ATP6V1C1: variants seen among roughly 807,000 people sequenced by gnomAD.
ATP6V1C1 encodes V-type proton ATPase subunit C 1.
In ATP6V1C1, 45 loss-of-function variants were observed where a neutral mutation model predicts 53.9. That is an observed-to-expected ratio of 0.83 (90% CI 0.66 to 1.07). The LOEUF is 1.07. Ranked by LOEUF, ATP6V1C1 falls within the 50% of genes least tolerant of loss-of-function variation. The probability of loss-of-function intolerance (pLI) is 0.00; values close to 1 mark genes in which losing one functional copy is unlikely to be tolerated. For synonymous variants in ATP6V1C1, 153 were observed against 155.2 expected, an observed-to-expected ratio of 0.99 and a Z score of 0.11; for missense variants, 315 against 440.3, an observed-to-expected ratio of 0.72 and a Z score of 2.55.
Position 103,067,598 on chromosome 8 carries a change from C to CTTT in ATP6V1C1, c.1054-1037_1054-1035dup, listed in dbSNP as rs764474136. ...GACTTGCTACACTTTTTTTCTTTTT[C>CTTT]TTTTTTTTTTTTTTTTTTTCGAGAT... On this transcript the variant is annotated intron_variant, in intron 12 of 12. Coordinates refer to ENST00000518738, the MANE Select transcript of ATP6V1C1 (RefSeq NM_001695.5). Among the ~76,000 whole-genome samples, 6 of 114,978 alleles carry CTTT rather than the reference C, an allele frequency of 5.2e-5. 1 individual carries two copies. Among genetic ancestry groups the CTTT allele is most frequent in the African/African-American group, 2.0e-4 (6 of 30,762 alleles). 75.4% of individuals were successfully genotyped at this position (114,978 alleles called of 152,430 possible).
In ATP6V1C1 at chr8:103,070,095, C is replaced by T. The variant is rs1259494101; in HGVS notation, c.*1348C>T. On this transcript the variant is annotated 3_prime_UTR_variant, in exon 13 of 13. Transcript: ENST00000518738. The stretch of plus-strand genomic sequence containing the variant: ...GGATTATACCACACACATCCTGTCA[C>T]TTGCTTTTTTGCTTAAGAGTATATC... The T allele has an allele frequency of 6.6e-6, 1 of 152,184 alleles. No homozygotes were observed. The highest frequency in any genetic ancestry group is 2.4e-5 in the African/African-American group (1 of 41,450). 9.4% of individuals were successfully genotyped at this position (152,184 alleles called of 1,614,324 possible). A position where few individuals can be genotyped will look rare whatever the true frequency, so the allele number is the denominator to read the frequency against.
At chr8:103,026,765 A>T (rs1205110925) in intron 1 of ATP6V1C1, among the ~76,000 whole-genome samples, 2 of 152,344 alleles carry the variant, frequency 1.3e-5, no homozygotes, top group African/African-American at 4.8e-5. Flanking sequence ...GTGAGCCGAG[A>T]TCGCGCCAGT....
chr8:103,053,407 T>G (rs916824838), intron 6 of ATP6V1C1, among the ~76,000 whole-genome samples: 4 of 151,914 alleles, frequency 2.6e-5, no homozygotes, highest in Admixed American at 6.6e-5. Flanking sequence ...ATATTTATTA[T>G]GGGAAAGTGA....
At chr8:103,041,869 C>G (rs1389095533) in intron 2 of ATP6V1C1, among the ~76,000 whole-genome samples, 1 of 152,102 alleles carries the variant, frequency 6.6e-6, no homozygotes, top group Non-Finnish European at 1.5e-5. Context: ...GAGACTCCGT[C>G]TCAAAAATAT....
chr8:103,065,501 C>A (rs1586329508), intron 11 of ATP6V1C1, among the ~76,000 whole-genome samples: 1 of 151,994 alleles, frequency 6.6e-6, no homozygotes, highest in African/African-American at 2.4e-5. Flanking sequence ...TGCAGTGAGC[C>A]GAGATTGTGC....
At chr8:103,037,054 G>A (rs1039490044) in intron 1 of ATP6V1C1, among the ~76,000 whole-genome samples, 3 of 140,114 alleles carry the variant, frequency 2.1e-5, no homozygotes, top group African/African-American at 7.4e-5. Context: ...GTTCGAGACA[G>A]TTTGTGCTAA....
intron 8 of ATP6V1C1, 118 bp downstream of exon 8, chr8:103,056,054 G>C: frequency 1.1e-6 from 1 of 910,100 alleles, no homozygotes; most frequent in Non-Finnish European, 1.7e-6. Context: ...TCATGAGTGA[G>C]TTCTATGAAC....
chr8:103,064,235 C>T (rs984416517), intron 10 of ATP6V1C1, among the ~76,000 whole-genome samples: 1 of 152,124 alleles, frequency 6.6e-6, no homozygotes, highest in Admixed American at 6.5e-5. Flanking sequence ...AGACCAACTC[C>T]CTTTTTTACA....
intron 1 of ATP6V1C1, among the ~76,000 whole-genome samples, chr8:103,039,935 G>A (rs72669334): frequency 0.081 from 12,339 of 151,828 alleles, 676 homozygotes; most frequent in Non-Finnish European, 0.11. Context: ...ATGTTCGATG[G>A]CAACTAAGTC....
intron 8 of ATP6V1C1, among the ~76,000 whole-genome samples, chr8:103,061,543 A>G (rs1039810874): frequency 4.6e-5 from 7 of 152,178 alleles, no homozygotes; most frequent in Non-Finnish European, 8.8e-5. Flanking sequence ...AAAACTGAAC[A>G]TTAAAAAACA....
intron 1 of ATP6V1C1, among the ~76,000 whole-genome samples, chr8:103,027,461 A>G (rs1816718770): frequency 6.6e-6 from 1 of 152,208 alleles, no homozygotes; most frequent in Non-Finnish European, 1.5e-5. Flanking sequence ...AAGCAGTGCC[A>G]GCAGATGTCT....
chr8:103,043,624 C>A (rs1485002961), intron 3 of ATP6V1C1, among the ~76,000 whole-genome samples: 3 of 152,104 alleles, frequency 2.0e-5, no homozygotes, highest in African/African-American at 7.2e-5. Context: ...AGCCACCGCG[C>A]CCGGCTGATA....
chr8:103,048,943 T>G lies in ATP6V1C1; in HGVS notation c.274T>G (p.Leu92Val). ...DSKDKVQENL[L>V]ANGVDLVTYI... Reference sequence around the variant, plus strand: ...CAAAGACAAAGTTCAAGAGAATCTGTTGGCTAATGGAGGTAAGCTAATGCT... The same window carrying G: ...CAAAGACAAAGTTCAAGAGAATCTGGTGGCTAATGGAGGTAAGCTAATGCT... The change falls in exon 4 of 13, where the codon TTG becomes GTG. Residue 92 changes from leucine to valine, a missense_variant. Leu to Val is a conservative substitution (Grantham distance 32). Coordinates refer to ENST00000518738, the MANE Select transcript of ATP6V1C1 (RefSeq NM_001695.5). 3.7e-6 allele frequency: 6 copies of G among 1,613,018 alleles called. No homozygotes were observed. The highest frequency in any genetic ancestry group is 5.1e-6 in the Non-Finnish European group (6 of 1,179,460).
At chr8:103,037,129 A>C (rs1218657504) in intron 1 of ATP6V1C1, among the ~76,000 whole-genome samples, 1 of 152,184 alleles carries the variant, frequency 6.6e-6, no homozygotes, top group Non-Finnish European at 1.5e-5. Flanking sequence ...TGGTGATGTG[A>C]TCCAGGTGTT....
At chr8:103,045,618 T>C (rs571357010) in intron 3 of ATP6V1C1, among the ~76,000 whole-genome samples, 1 of 152,160 alleles carries the variant, frequency 6.6e-6, no homozygotes, top group African/African-American at 2.4e-5. Flanking sequence ...AAGAATAGTC[T>C]CTTGGTTCCT....
chr8:103,041,960 A>C (rs188446129), intron 2 of ATP6V1C1, among the ~76,000 whole-genome samples: 1 of 152,312 alleles, frequency 6.6e-6, no homozygotes, highest in East Asian at 1.9e-4. Flanking sequence ...TTTCCTCCAA[A>C]ACGTACTCAC....
chr8:103,066,476 G>A lies in ATP6V1C1; in HGVS notation c.1053+29G>A, dbSNP rs200196581. The A allele has an allele frequency of 1.2e-5, 18 of 1,500,860 alleles. No homozygotes were observed. In the East Asian group the frequency reaches 2.9e-4, roughly 24 times the overall value. The allele number at this position is 1,500,860 out of a possible 1,614,324, so 93.0% of individuals were successfully genotyped here. On this transcript the variant is annotated intron_variant, in intron 12 of 12. Transcript: ENST00000518738. ...AGTACTTATTAGCCCAGTAGAGTAA[G>A]AATTGAAGTGAATTTCAGAAAAAAA...
chr8:103,057,417 C>T (rs1341588574), intron 8 of ATP6V1C1, among the ~76,000 whole-genome samples: 1 of 152,210 alleles, frequency 6.6e-6, no homozygotes, highest in South Asian at 2.1e-4. Flanking sequence ...AATGAAGACT[C>T]GGCCTCCCAA....
rs545163889 is a variant in ATP6V1C1 at position 103,027,654 on chromosome 8, T to C, written c.-40+6429T>C. 2.0e-4 allele frequency among the ~76,000 whole-genome samples: 30 copies of C among 152,122 alleles called. 1 individual carries two copies. In the South Asian group the frequency reaches 5.8e-3, roughly 29 times the overall value. On this transcript the variant is annotated intron_variant, in intron 1 of 12. Transcript: ENST00000518738. Reference sequence around the variant, plus strand: ...CTTTGGATCTAGGGTTTTTTTTTTTTCTCCTTTCCTCCCACTTTTTTCCCT... The same window carrying C: ...CTTTGGATCTAGGGTTTTTTTTTTTCCTCCTTTCCTCCCACTTTTTTCCCT...
Sources: allele counts gnomAD v4.1 joint callset (sites outside exome capture counted in the v4.1 genomes callset), GRCh38; gene constraint gnomAD v4.1.1; transcripts MANE v1.5; gene names NCBI Gene and HGNC (gene_info 2026-07-23, HGNC 2026-07-21).